The following EPHA6 variants were observed in gnomAD, a reference collection of about 807,000 sequenced individuals.
The protein encoded by EPHA6 is EPH receptor A6, also known as ephrin type-A receptor 6.
A neutral mutation model predicts 112.0 loss-of-function variants in EPHA6; 50 were observed. The observed-to-expected ratio is 0.45, with a 90% CI of 0.36 to 0.56. EPHA6 has a LOEUF of 0.56. Ranked by LOEUF, EPHA6 falls within the 20% of genes least tolerant of loss-of-function variation. EPHA6 has a pLI of 0.00. For missense variants in EPHA6, 1,280 were observed against 1,417.4 expected (o/e 0.90, Z 1.56); for synonymous variants, 529 against 490.7 (o/e 1.08, Z -1.03).
At chr3:97,326,699 C>G (rs1349407813) in intron 5 of EPHA6, among the ~76,000 whole-genome samples, 1 of 151,992 alleles carries the variant, frequency 6.6e-6, no homozygotes, top group African/African-American at 2.4e-5. Context: ...ATTGGATGCA[C>G]ACATCATGAA....
intron 14 of EPHA6, among the ~76,000 whole-genome samples, chr3:97,651,048 G>A (rs1356297151): frequency 1.3e-5 from 2 of 151,946 alleles, no homozygotes; most frequent in African/African-American, 2.4e-5. Context: ...TGGCAAGCAA[G>A]AAATTTTATG....
At chr3:97,058,202 A>T (rs1397837405) in intron 3 of EPHA6, among the ~76,000 whole-genome samples, 1 of 152,124 alleles carries the variant, frequency 6.6e-6, no homozygotes, top group Non-Finnish European at 1.5e-5. Flanking sequence ...TTTATATATA[A>T]ATATGTGAAA....
chr3:96,964,823 A>G (rs2042064485), intron 2 of EPHA6, among the ~76,000 whole-genome samples: 1 of 152,176 alleles, frequency 6.6e-6, no homozygotes, highest in South Asian at 2.1e-4. Flanking sequence ...GTGCTAGCAA[A>G]TTACTCTCTG....
At chr3:96,950,875 T>C (rs375584073) in intron 2 of EPHA6, among the ~76,000 whole-genome samples, 3 of 152,118 alleles carry the variant, frequency 2.0e-5, no homozygotes, top group Admixed American at 2.0e-4. Context: ...ATGTTTTTTA[T>C]TGGAATTTGT....
At chr3:97,442,784 G>A (rs921481100) in intron 6 of EPHA6, among the ~76,000 whole-genome samples, 3 of 152,060 alleles carry the variant, frequency 2.0e-5, no homozygotes, top group Non-Finnish European at 2.9e-5. Flanking sequence ...GTGTACCCAG[G>A]TAGAACTCAT....
chr3:97,556,679 A>T (rs1385213660), intron 11 of EPHA6, among the ~76,000 whole-genome samples: 1 of 152,030 alleles, frequency 6.6e-6, no homozygotes, highest in Non-Finnish European at 1.5e-5. Context: ...GACAGAGCCA[A>T]ACAATATCAG....
chr3:97,595,958 T>A (rs2093586038), intron 12 of EPHA6, among the ~76,000 whole-genome samples: 1 of 144,214 alleles, frequency 6.9e-6, no homozygotes, highest in South Asian at 2.2e-4. Context: ...CAGGCTGGAG[T>A]GCAGTGGCAC....
At chr3:96,817,663 T>G (rs552073529) in intron 1 of EPHA6, among the ~76,000 whole-genome samples, 1 of 152,072 alleles carries the variant, frequency 6.6e-6, no homozygotes, top group Non-Finnish European at 1.5e-5. Flanking sequence ...ATTAAAGATA[T>G]TCACAAAATA....
chr3:96,878,704 A>G (rs1248189323), intron 2 of EPHA6, among the ~76,000 whole-genome samples: 13 of 152,054 alleles, frequency 8.5e-5, no homozygotes, highest in Admixed American at 8.5e-4. Flanking sequence ...AATCTGTATC[A>G]TTCCAACAAG....
intron 14 of EPHA6, chr3:97,648,358 G>A (rs746360795): frequency 3.1e-5 from 49 of 1,595,154 alleles, no homozygotes; most frequent in East Asian, 2.5e-4. Flanking sequence ...ATTTTCTGTC[G>A]GTCTAAGAAG....
intron 5 of EPHA6, among the ~76,000 whole-genome samples, chr3:97,255,970 T>C (rs1024756186): frequency 6.6e-6 from 1 of 152,106 alleles, no homozygotes; most frequent in Non-Finnish European, 1.5e-5. Context: ...ATTTTCAAAA[T>C]AGAAGAAGAA....
chr3:97,498,762 G>A (rs781122199), intron 10 of EPHA6, among the ~76,000 whole-genome samples: 3 of 152,152 alleles, frequency 2.0e-5, no homozygotes, highest in Non-Finnish European at 4.4e-5. Context: ...TATTGTGAAT[G>A]TGCATGTGAG....
chr3:96,819,263 T>A (rs544844640), intron 1 of EPHA6, among the ~76,000 whole-genome samples: 3 of 152,110 alleles, frequency 2.0e-5, no homozygotes, highest in African/African-American at 7.2e-5. Flanking sequence ...AATTACATCC[T>A]TTTACTTTTT....
At chr3:96,906,650 A>G (rs1355193429) in intron 2 of EPHA6, among the ~76,000 whole-genome samples, 1 of 152,004 alleles carries the variant, frequency 6.6e-6, no homozygotes, top group Non-Finnish European at 1.5e-5. Context: ...GTTCTTTGTC[A>G]TATTTTTCTG....
chr3:97,503,188 A>G (rs1015909030), intron 10 of EPHA6, among the ~76,000 whole-genome samples: 2 of 152,192 alleles, frequency 1.3e-5, no homozygotes, highest in African/African-American at 4.8e-5. Context: ...CAGGATAAAT[A>G]GGAAACTAAA....
chr3:97,144,336 A>G (rs1312958857), intron 3 of EPHA6, among the ~76,000 whole-genome samples: 1 of 151,628 alleles, frequency 6.6e-6, no homozygotes, highest in African/African-American at 2.4e-5. Flanking sequence ...AAATTTATTT[A>G]TATTTACAAC....
chr3:97,439,852 G>A (rs562959847), intron 6 of EPHA6, among the ~76,000 whole-genome samples: 1 of 152,122 alleles, frequency 6.6e-6, no homozygotes, highest in African/African-American at 2.4e-5. Context: ...GAGCTGAAAG[G>A]TATCCTAATG....
chr3:96,832,144 A>C (rs1194439095), intron 1 of EPHA6, among the ~76,000 whole-genome samples: 1 of 152,110 alleles, frequency 6.6e-6, no homozygotes, highest in Admixed American at 6.6e-5. Flanking sequence ...GCCAAAACTC[A>C]GCGTATATCT....
chr3:96,930,323 G>T (rs981617832), intron 2 of EPHA6, among the ~76,000 whole-genome samples: 1 of 152,134 alleles, frequency 6.6e-6, no homozygotes, highest in East Asian at 1.9e-4. Context: ...TACTATTTTT[G>T]TGTTGATTTT....
Sources: gnomAD v4.1 joint callset for allele counts (sites outside exome capture counted in the v4.1 genomes callset) on GRCh38, gnomAD v4.1.1 for gene constraint, MANE v1.5 for transcripts, NCBI Gene and HGNC (gene_info 2026-07-23, HGNC 2026-07-21) for gene names.